Variants in LARS2 observed in about 807,000 individuals in gnomAD.
The protein encoded by LARS2 is leucyl-tRNA synthetase 2, mitochondrial.
Under a neutral mutation model 116.6 loss-of-function variants are expected in LARS2, and 81 were observed. That is an observed-to-expected ratio of 0.69 (90% confidence interval 0.58 to 0.84). LARS2 has a LOEUF of 0.84. Ranked by LOEUF, LARS2 falls within the 40% of genes least tolerant of loss-of-function variation. LARS2 has a pLI of 0.00. For missense variants in LARS2, 968 were observed against 1,114.5 expected, an observed-to-expected ratio of 0.87 and a Z score of 1.87; for synonymous variants, 396 against 407.2, an observed-to-expected ratio of 0.97 and a Z score of 0.33.
intron 6 of LARS2, among the ~76,000 whole-genome samples, chr3:45,427,806 C>T (rs1304762381): frequency 1.3e-5 from 2 of 150,258 alleles, no homozygotes; most frequent in Admixed American, 1.3e-4. Flanking sequence ...ATCATTACTG[C>T]CTTGTTTTCC....
chr3:45,504,610 G>A (rs143168192), intron 15 of LARS2, among the ~76,000 whole-genome samples: 1 of 152,032 alleles, frequency 6.6e-6, no homozygotes, highest in African/African-American at 2.4e-5. Flanking sequence ...TTGTACTTTA[G>A]GTTCTAGAAT....
rs1445761549 is a variant in LARS2 at position 45,452,359 on chromosome 3, C to T, written c.606+5379C>T. Among the ~76,000 whole-genome samples, 4 of 150,244 alleles carry T rather than the reference C, an allele frequency of 2.7e-5. No homozygotes were observed. In the East Asian group the frequency reaches 7.8e-4, roughly 29 times the overall value. ...GGCCTTTATCATGTTGAGGTGTGTT[C>T]CTACTATACCCGATTTGTTGAGGTA... On this transcript the variant is annotated intron_variant, in intron 7 of 21. Transcript: ENST00000645846.
At position 45,548,656 on chromosome 3, in the gene LARS2, C is replaced by T. The variant is rs1200099455; in HGVS notation, c.*1126C>T. The T allele has an allele frequency of 6.6e-6, 1 of 152,188 alleles. No individual in the cohort carries two copies. Among genetic ancestry groups the T allele is most frequent in the Non-Finnish European group, 1.5e-5 (1 of 68,034 alleles). The allele number at this position is 152,188 out of a possible 1,614,324, so 9.4% of individuals were successfully genotyped here. On this transcript the variant is annotated 3_prime_UTR_variant, in exon 22 of 22. Coordinates refer to ENST00000645846, the MANE Select transcript of LARS2 (RefSeq NM_015340.4). ...ATTAAGTGTTCCCACTAGAACTGACCTAAGCCACTGATTAATATTTAATGA... is the reference window on the plus strand; with the variant it reads ...ATTAAGTGTTCCCACTAGAACTGACTTAAGCCACTGATTAATATTTAATGA...
chr3:45,413,155 T>C (rs376639470), intron 4 of LARS2, among the ~76,000 whole-genome samples: 78 of 152,350 alleles, frequency 5.1e-4, no homozygotes, highest in African/African-American at 1.8e-3. Context: ...CTGCAGAGGC[T>C]TGTTAGAAGT....
chr3:45,401,394 TC>T (rs1698146760), intron 4 of LARS2, among the ~76,000 whole-genome samples: 1 of 151,684 alleles, frequency 6.6e-6, no homozygotes, highest in African/African-American at 2.4e-5. Flanking sequence ...TCCCAGCTAC[TC>T]AGGAGGCTGA....
chr3:45,484,630 A>AAAAAAAAAAAT (rs1553634443), intron 10 of LARS2, among the ~76,000 whole-genome samples: 3 of 9,738 alleles, frequency 3.1e-4, no homozygotes, highest in African/African-American at 3.6e-4. Flanking sequence ...AAAAAAAAAA[A>AAAAAAAAAAAT]ATATATATAT....
chr3:45,505,709 A>G (rs1324486912), intron 15 of LARS2, among the ~76,000 whole-genome samples: 1 of 152,014 alleles, frequency 6.6e-6, no homozygotes, highest in Admixed American at 6.6e-5. Flanking sequence ...TTGGGGGAAT[A>G]GCTCCTTCTT....
In LARS2 at chr3:45,447,620, C is replaced by T. The variant is rs141026212; in HGVS notation, c.606+640C>T. On this transcript the variant is annotated intron_variant, in intron 7 of 21. Coordinates refer to ENST00000645846, the MANE Select transcript of LARS2 (RefSeq NM_015340.4). ...GCACAGAGGCCCTTGCAGATGTTGG[C>T]ACCATGCTCTTGGACTTCCTGACCT... 1.4e-4 allele frequency among the ~76,000 whole-genome samples: 22 copies of T among 152,272 alleles called. No homozygotes were observed. The East Asian group carries it at 2.3e-3, about 16-fold the overall frequency.
At chr3:45,485,817 A>G (rs1699798988) in intron 11 of LARS2, 21 bp downstream of exon 11, 9 of 1,447,430 alleles carry the variant, frequency 6.2e-6, no homozygotes, top group Middle Eastern at 3.5e-4. Flanking sequence ...ATTAAAATGT[A>G]ACCACAACGG....
chr3:45,416,525 G>C (rs1338522510), intron 4 of LARS2, among the ~76,000 whole-genome samples: 3 of 152,170 alleles, frequency 2.0e-5, no homozygotes, highest in African/African-American at 7.2e-5. Context: ...AGCTGGGACT[G>C]CCTAGAGCCA....
chr3:45,407,467 C>A (rs930506990), intron 4 of LARS2, among the ~76,000 whole-genome samples: 9 of 152,192 alleles, frequency 5.9e-5, no homozygotes, highest in Admixed American at 5.2e-4. Context: ...CTGTCACATT[C>A]CTCCACATTC....
intron 20 of LARS2, chr3:45,538,345 A>G (rs1700741604): frequency 6.6e-6 from 1 of 152,176 alleles, no homozygotes; most frequent in Non-Finnish European, 1.5e-5. Context: ...TCTCCCAGGC[A>G]TCCTGTACAA....
chr3:45,438,012 G>A (rs1415141623), intron 6 of LARS2, among the ~76,000 whole-genome samples: 1 of 152,094 alleles, frequency 6.6e-6, no homozygotes, highest in African/African-American at 2.4e-5. Context: ...AGAGCAGGAG[G>A]GCCAGGGGTA....
chr3:45,487,959 CT>C (rs1346600712), intron 11 of LARS2, among the ~76,000 whole-genome samples: 2 of 152,044 alleles, frequency 1.3e-5, no homozygotes, highest in Non-Finnish European at 2.9e-5. Flanking sequence ...TTTTGACTTC[CT>C]GACTGAGTGG....
chr3:45,443,960 T>G (rs1438615506), intron 6 of LARS2, among the ~76,000 whole-genome samples: 1 of 151,784 alleles, frequency 6.6e-6, no homozygotes, highest in Non-Finnish European at 1.5e-5. Context: ...AGGCTAACGC[T>G]TGGTTGGATG....
chr3:45,477,232 T>C (rs1193159021), intron 10 of LARS2, among the ~76,000 whole-genome samples: 2 of 152,232 alleles, frequency 1.3e-5, no homozygotes, highest in Non-Finnish European at 2.9e-5. Context: ...ATTCCATCTC[T>C]GACTAACCCA....
chr3:45,512,995 T>C (rs1019073751), intron 15 of LARS2, 140 bp from the exon 16 acceptor site: 39 of 672,654 alleles, frequency 5.8e-5, no homozygotes, highest in Non-Finnish European at 8.9e-5. Flanking sequence ...TAAGCTGGGT[T>C]TATAAGTGGC....
intron 11 of LARS2, among the ~76,000 whole-genome samples, chr3:45,488,110 C>A (rs924019857): frequency 3.3e-5 from 5 of 151,752 alleles, no homozygotes; most frequent in Admixed American, 6.6e-5. Context: ...AAAAAGCACT[C>A]AAAAATGTAT....
chr3:45,398,392 C>T (rs1375932057), intron 3 of LARS2, among the ~76,000 whole-genome samples: 1 of 152,096 alleles, frequency 6.6e-6, no homozygotes, highest in Non-Finnish European at 1.5e-5. Context: ...AAAACCCCAT[C>T]CCACATATGT....
Sources: allele counts gnomAD v4.1 joint callset (sites outside exome capture counted in the v4.1 genomes callset), GRCh38; gene constraint gnomAD v4.1.1; transcripts MANE v1.5; gene names NCBI Gene and HGNC (gene_info 2026-07-23, HGNC 2026-07-21).